IDO2: variants seen among roughly 807,000 people sequenced by gnomAD.
IDO2 encodes indoleamine 2,3-dioxygenase-like 1 protein.
Under a neutral mutation model 45.1 loss-of-function variants are expected in IDO2, and 46 were observed. That is an observed-to-expected ratio of 1.02 (90% CI 0.80 to 1.30). The LOEUF is 1.30. Ranked by LOEUF, IDO2 falls within the 50% of genes most tolerant of loss-of-function variation. The probability of loss-of-function intolerance (pLI) is 0.00; values close to 1 mark genes in which losing one functional copy is unlikely to be tolerated. For missense variants in IDO2, 544 were observed against 491.8 expected (o/e 1.11, Z -1.00); for synonymous variants, 218 against 184.9 (o/e 1.18, Z -1.45).
At chr8:39,938,254 GCAA>G (rs1662027816) in intron 1 of IDO2, among the ~76,000 whole-genome samples, 1 of 150,324 alleles carries the variant, frequency 6.7e-6, no homozygotes, top group Non-Finnish European at 1.5e-5. Flanking sequence ...ATCAGTGAGG[GCAA>G]CATAGTGAGA....
chr8:39,957,124 G>A (rs1807917237), intron 2 of IDO2, among the ~76,000 whole-genome samples: 1 of 148,484 alleles, frequency 6.7e-6, no homozygotes, highest in Non-Finnish European at 1.5e-5. Flanking sequence ...ATTTGCAAAT[G>A]ATCCATTTGA....
At chr8:39,983,166 T>G (rs1258459719) in intron 5 of IDO2, among the ~76,000 whole-genome samples, 1 of 152,210 alleles carries the variant, frequency 6.6e-6, no homozygotes, top group African/African-American at 2.4e-5. Context: ...TATGGATGAA[T>G]TCAGAGCAGA....
At chr8:39,985,034 C>T (rs1180762801) in intron 5 of IDO2, 2 of 333,776 alleles carry the variant, frequency 6.0e-6, no homozygotes, top group Non-Finnish European at 5.7e-6. Flanking sequence ...TGGGTTTGAG[C>T]AATTCTCCTG....
intron 2 of IDO2, among the ~76,000 whole-genome samples, chr8:39,959,399 C>G (rs899979686): frequency 1.2e-5 from 1 of 80,634 alleles, no homozygotes; most frequent in African/African-American, 3.8e-5. Context: ...CAGGCGTGAG[C>G]CACTGTGCCC....
intron 8 of IDO2, among the ~76,000 whole-genome samples, chr8:39,996,635 C>T (rs574337046): frequency 2.0e-5 from 3 of 151,966 alleles, no homozygotes; most frequent in South Asian, 2.1e-4. Flanking sequence ...TGTCTCCGCA[C>T]ACGAGGAGAA....
chr8:40,005,427 C>G (rs1320297183), intron 9 of IDO2, 49 bp downstream of exon 9: 13 of 1,246,386 alleles, frequency 1.0e-5, no homozygotes, highest in Non-Finnish European at 1.5e-5. Context: ...GTAGCATTGA[C>G]TGAATGTATA....
chr8:39,986,683 T>TAGAC (rs1471463420), intron 6 of IDO2, among the ~76,000 whole-genome samples: 1 of 142,090 alleles, frequency 7.0e-6, no homozygotes, highest in Non-Finnish European at 1.5e-5. Context: ...GATAGATAGA[T>TAGAC]AGATAGATAG....
chr8:40,005,424 T>G lies in IDO2; in HGVS notation c.719+46T>G, dbSNP rs778806976. On this transcript the variant is annotated intron_variant, in intron 9 of 10. Coordinates refer to ENST00000502986, the Ensembl canonical transcript of IDO2. ...TTCCTGTGTGAAGTCTCTGTAGCATTGACTGAATGTATAAGGGGACGAAGA... is the reference window on the plus strand; with the variant it reads ...TTCCTGTGTGAAGTCTCTGTAGCATGGACTGAATGTATAAGGGGACGAAGA... The G allele has an allele frequency of 2.4e-6, 3 of 1,257,086 alleles. No homozygotes were observed. In the African/African-American group the frequency reaches 4.4e-5, roughly 18 times the overall value. The allele number at this position is 1,257,086 out of a possible 1,614,324, so 77.9% of individuals were successfully genotyped here.
exon 1 of IDO2, chr8:39,934,959 C>G: frequency 1.6e-6 from 1 of 623,122 alleles, no homozygotes; most frequent in Non-Finnish European, 2.9e-6. Context: ...AATTTCAGTC[C>G]AGATGATAGT....
intron 3 of IDO2, among the ~76,000 whole-genome samples, chr8:39,974,877 C>T (rs1186659251): frequency 6.6e-6 from 1 of 151,120 alleles, no homozygotes; most frequent in Non-Finnish European, 1.5e-5. Flanking sequence ...ACTGAGATTG[C>T]ACGACGGCAC....
At chr8:40,014,637 T>C (rs1018371031) in intron 10 of IDO2, among the ~76,000 whole-genome samples, 1 of 152,246 alleles carries the variant, frequency 6.6e-6, no homozygotes, top group Non-Finnish European at 1.5e-5. Context: ...ACCAACGGGA[T>C]ACTTTGTTTA....
intron 8 of IDO2, among the ~76,000 whole-genome samples, chr8:40,003,391 A>AGT (rs1802170229): frequency 7.0e-6 from 1 of 142,978 alleles, no homozygotes; most frequent in South Asian, 2.1e-4. Context: ...AAAAAAAAAA[A>AGT]GAAAACGAGA....
intron 9 of IDO2, among the ~76,000 whole-genome samples, chr8:40,005,690 T>C (rs1802210550): frequency 6.6e-6 from 1 of 152,236 alleles, no homozygotes; most frequent in South Asian, 2.1e-4. Context: ...CACTTACATC[T>C]ACTTTTTCTT....
chr8:39,968,554 G>A (rs564621026), intron 3 of IDO2, among the ~76,000 whole-genome samples: 1 of 152,210 alleles, frequency 6.6e-6, no homozygotes, highest in East Asian at 1.9e-4. Context: ...ATACTAGGAT[G>A]GAATGCAGAC....
chr8:39,960,725 G>A (rs745857457), intron 2 of IDO2, among the ~76,000 whole-genome samples: 1 of 152,148 alleles, frequency 6.6e-6, no homozygotes, highest in Admixed American at 6.6e-5. Context: ...GTAATGATGC[G>A]GTTGACCTTC....
At chr8:39,996,987 CACTT>C (rs1325469116) in intron 8 of IDO2, among the ~76,000 whole-genome samples, 5 of 140,966 alleles carry the variant, frequency 3.5e-5, no homozygotes, top group African/African-American at 1.0e-4. Flanking sequence ...TCTGCATTCA[CACTT>C]ACTCAGTTAC....
chr8:39,963,390 G>A (rs1039466737), intron 2 of IDO2, among the ~76,000 whole-genome samples: 1 of 152,184 alleles, frequency 6.6e-6, no homozygotes, highest in African/African-American at 2.4e-5. Context: ...GCATATATCT[G>A]ACTAATGTGT....
intron 2 of IDO2, among the ~76,000 whole-genome samples, chr8:39,953,047 C>T (rs535228644): frequency 6.6e-6 from 1 of 152,150 alleles, no homozygotes; most frequent in South Asian, 2.1e-4. Flanking sequence ...GGATTACAGC[C>T]ATGAACCACT....
intron 2 of IDO2, among the ~76,000 whole-genome samples, chr8:39,962,475 A>G (rs1248099541): frequency 6.6e-6 from 1 of 152,166 alleles, no homozygotes; most frequent in Non-Finnish European, 1.5e-5. Flanking sequence ...CACACAGCAC[A>G]TTTCATGTAA....
Sources: gnomAD v4.1 joint callset for allele counts (sites outside exome capture counted in the v4.1 genomes callset) on GRCh38, gnomAD v4.1.1 for gene constraint, MANE v1.5 for transcripts, NCBI Gene and HGNC (gene_info 2026-07-23, HGNC 2026-07-21) for gene names.